Variants in WDR1 observed in about 807,000 individuals in gnomAD.
The protein encoded by WDR1 is WD repeat domain 1.
WDR1 carries 21 observed loss-of-function variants against 71.9 expected under a neutral mutation model. The ratio of observed to expected loss-of-function variants is 0.29; its 90% CI spans 0.21 to 0.42. The LOEUF is 0.42. WDR1 is among the 10% of genes least tolerant of loss of function. The pLI is 1.00. For synonymous variants in WDR1, 424 were observed against 347.4 expected (o/e 1.22, Z -2.45); for missense variants, 696 against 824.5 (o/e 0.84, Z 1.91).
chr4:10,099,889 T>C (rs1712585552), intron 3 of WDR1, among the ~76,000 whole-genome samples: 1 of 152,192 alleles, frequency 6.6e-6, no homozygotes, highest in South Asian at 2.1e-4. Context: ...GATTCTCTTC[T>C]CACCGGAGCG....
At chr4:10,075,676 C>T (rs1436722090) in intron 14 of WDR1, 192 bp from the exon 15 acceptor site, 22 of 606,790 alleles carry the variant, frequency 3.6e-5, no homozygotes, top group Middle Eastern at 3.7e-4. Context: ...TCCTGAACCC[C>T]GGGGCCGGGT....
chr4:10,097,832 T>C lies in WDR1; in HGVS notation c.437A>G (p.Asn146Ser). Residue 146 changes from asparagine to serine, a missense_variant, in exon 5 of 15, where the codon AAC (asparagine) becomes AGC (serine). Physicochemically the swap from Asn to Ser is conservative, Grantham distance 46. Coordinates refer to ENST00000499869, the MANE Select transcript of WDR1 (RefSeq NM_017491.5). Reference protein sequence around the residue: ...GSSVGEITGHNKVINSVDIKQ... With the variant: ...GSSVGEITGHSKVINSVDIKQ... ...GATGTCCACGCTGTTGATGACTTTG[T>C]TGTGTCCTGTAATCTCGCCCACAGA... The C allele has an allele frequency of 6.2e-7, 1 of 1,613,216 alleles. No individual in the cohort carries two copies. The highest frequency in any genetic ancestry group is 8.5e-7 in the Non-Finnish European group (1 of 1,179,658).
At chr4:10,083,296 TA>T in intron 9 of WDR1, 118 bp from the exon 10 acceptor site, 1 of 1,308,846 alleles carries the variant, frequency 7.6e-7, no homozygotes, top group Non-Finnish European at 1.0e-6. Context: ...CAAACGGACA[TA>T]ACCATTCCCC....
rs1017114089 is a variant in WDR1, at chr4:10,115,918, A to G, written c.138+195T>C. ...ACTAAGACTCAGTTTCCTCATCAAG[A>G]AGGAGCAGACAAGGACCTGGGTGAA... On this transcript the variant is annotated intron_variant, in intron 2 of 14. Coordinates refer to ENST00000499869, the MANE Select transcript of WDR1 (RefSeq NM_017491.5). 4.5e-6 allele frequency: 3 copies of G among 660,202 alleles called. No individual in the cohort carries two copies. In the African/African-American group the frequency reaches 5.5e-5, roughly 12 times the overall value. The allele number at this position is 660,202 out of a possible 1,614,324, so 40.9% of individuals were successfully genotyped here.
chr4:10,078,012 G>A (rs1324966292), intron 12 of WDR1, 86 bp from the exon 13 acceptor site: 1 of 1,432,482 alleles, frequency 7.0e-7, no homozygotes, highest in East Asian at 2.5e-5. Context: ...GAGGGCTTAA[G>A]AAACTGTGCC....
chr4:10,090,246 CAT>C (rs1342642968), intron 5 of WDR1, among the ~76,000 whole-genome samples: 11 of 152,206 alleles, frequency 7.2e-5, no homozygotes, highest in African/African-American at 1.7e-4. Context: ...CACACTAACA[CAT>C]GTCATCAATG....
chr4:10,106,058 C>T (rs1712992351), intron 2 of WDR1, among the ~76,000 whole-genome samples: 2 of 143,962 alleles, frequency 1.4e-5, no homozygotes, highest in South Asian at 4.6e-4. Flanking sequence ...TTAGAAAAGG[C>T]AACCCCAATG....
intron 5 of WDR1, chr4:10,094,801 C>A (rs963933948): frequency 1.4e-4 from 21 of 152,272 alleles, no homozygotes; most frequent in African/African-American, 5.1e-4. Flanking sequence ...CAAAGCTGGG[C>A]TACGGTCCCT....
At chr4:10,100,353 C>T (rs1712613575) in intron 3 of WDR1, among the ~76,000 whole-genome samples, 1 of 152,208 alleles carries the variant, frequency 6.6e-6, no homozygotes, top group East Asian at 1.9e-4. Flanking sequence ...AACAGAGCCA[C>T]TCACAGGGCT....
rs548669717 is a variant in WDR1 at position 10,099,158 on chromosome 4, G to A, written c.230-19C>T. 66 of 1,417,448 alleles carry A rather than the reference G, an allele frequency of 4.7e-5. No individual in the cohort carries two copies. Among genetic ancestry groups the A allele is most frequent in the Middle Eastern group, 2.2e-4 (1 of 4,624 alleles). 87.8% of individuals were successfully genotyped at this position (1,417,448 alleles called of 1,614,324 possible). On this transcript the variant is annotated intron_variant, in intron 3 of 14. Coordinates refer to ENST00000499869, the MANE Select transcript of WDR1 (RefSeq NM_017491.5). ...GACACATCTGTGGGGCACAGCGGGC[G>A]GGGGAGGGGGGGAGGCGGTGGTGGG...
At chr4:10,093,487 G>T (rs1273275645) in intron 5 of WDR1, among the ~76,000 whole-genome samples, 1 of 152,266 alleles carries the variant, frequency 6.6e-6, no homozygotes, top group Admixed American at 6.5e-5. Flanking sequence ...CAGCCCTGCA[G>T]CCCGGTCCAC....
At chr4:10,079,074 C>A in intron 11 of WDR1, 73 bp from the exon 12 acceptor site, 5 of 1,266,118 alleles carry the variant, frequency 3.9e-6, no homozygotes, top group Non-Finnish European at 3.3e-6. Context: ...AGGAGGGGCG[C>A]GTCCCTGTCG....
At position 10,092,905 on chromosome 4, in the gene WDR1, T is replaced by C. The variant is rs758014644; in HGVS notation, c.559-4164A>G. ...AGCAGTCTCAGTCCAGCCTCATCCCTGGTGGACAACTGACGGTGTCCGGTC... is the reference window on the plus strand; with the variant it reads ...AGCAGTCTCAGTCCAGCCTCATCCCCGGTGGACAACTGACGGTGTCCGGTC... On this transcript the variant is annotated intron_variant, in intron 5 of 14. Transcript: ENST00000499869. The C allele has an allele frequency of 3.0e-4, 150 of 491,926 alleles. 2 individuals carry two copies. The highest frequency in any genetic ancestry group is 1.6e-3 in the Middle Eastern group (4 of 2,486). The allele number at this position is 491,926 out of a possible 1,614,324, so 30.5% of individuals were successfully genotyped here.
intron 2 of WDR1, 117 bp from the exon 3 acceptor site, chr4:10,104,103 C>T: frequency 8.9e-7 from 1 of 1,128,396 alleles, no homozygotes; most frequent in Non-Finnish European, 1.3e-6. Context: ...GAAGCTAAAA[C>T]CGTGAAGAAA....
chr4:10,093,104 A>C (rs188012749), intron 5 of WDR1: 3 of 1,289,394 alleles, frequency 2.3e-6, no homozygotes, highest in Non-Finnish European at 3.0e-6. Flanking sequence ...CCATGTCAAC[A>C]TCACAGAGCG....
At chr4:10,105,311 C>T (rs1174352384) in intron 2 of WDR1, among the ~76,000 whole-genome samples, 1 of 152,192 alleles carries the variant, frequency 6.6e-6, no homozygotes. Context: ...ATCTCACTAG[C>T]CATCTCAATA....
intron 13 of WDR1, 98 bp downstream of exon 13, chr4:10,077,655 A>G: frequency 2.7e-6 from 4 of 1,469,892 alleles, no homozygotes; most frequent in Non-Finnish European, 2.7e-6. Context: ...ACTACAGCTC[A>G]GACAGGCTCA....
Position 10,078,775 on chromosome 4 carries a change from C to T in WDR1, c.1395+116G>A, listed in dbSNP as rs1017949581. The T allele has an allele frequency of 2.3e-5, 20 of 871,494 alleles. No homozygotes were observed. The South Asian group carries it at 3.0e-4, about 13-fold the overall frequency. The allele number at this position is 871,494 out of a possible 1,614,324, so 54.0% of individuals were successfully genotyped here. ...GTCCCACGCCCCGACTGCCCCCATC[C>T]TTCCCCTGACCCCTCGCCTTCCCTG... On this transcript the variant is annotated intron_variant, in intron 12 of 14. Transcript: ENST00000499869.
Position 10,084,656 on chromosome 4 carries a change from AG to A in WDR1, c.952-127del, listed in dbSNP as rs1765142073. 8.5e-6 allele frequency: 7 copies of A among 826,484 alleles called. No individual in the cohort carries two copies. In the East Asian group the frequency reaches 1.9e-4, roughly 23 times the overall value. The allele number at this position is 826,484 out of a possible 1,614,324, so 51.2% of individuals were successfully genotyped here. Reference sequence around the variant, plus strand: ...GACGCCCCTCAATCCATGGCAGTGCAGGTGCTCTGAGGCCCCAGTAGCCCCA... The same window carrying A: ...GACGCCCCTCAATCCATGGCAGTGCAGTGCTCTGAGGCCCCAGTAGCCCCA... On this transcript the variant is annotated intron_variant, in intron 8 of 14. Coordinates refer to ENST00000499869, the MANE Select transcript of WDR1 (RefSeq NM_017491.5).
Sources: gnomAD v4.1 joint callset for allele counts (sites outside exome capture counted in the v4.1 genomes callset) on GRCh38, gnomAD v4.1.1 for gene constraint, MANE v1.5 for transcripts, NCBI Gene and HGNC (gene_info 2026-07-23, HGNC 2026-07-21) for gene names.